UBE2W: variants seen among roughly 807,000 people sequenced by gnomAD.
The protein encoded by UBE2W is ubiquitin-conjugating enzyme E2 W.
A neutral mutation model predicts 27.2 loss-of-function variants in UBE2W; 18 were observed. The observed-to-expected ratio is 0.66, with a 90% CI of 0.46 to 0.98. UBE2W has a LOEUF of 0.98. Ranked by LOEUF, UBE2W falls within the 50% of genes least tolerant of loss-of-function variation. The pLI is 0.00. For missense variants in UBE2W, 90 were observed against 180.2 expected (o/e 0.50, Z 2.87); for synonymous variants, 53 against 57.2 (o/e 0.93, Z 0.33).
intron 1 of UBE2W, among the ~76,000 whole-genome samples, chr8:73,878,556 C>T (rs559205005): frequency 5.9e-5 from 9 of 152,306 alleles, no homozygotes; most frequent in Admixed American, 5.2e-4. Flanking sequence ...CCCTTTCTTC[C>T]CCAACCCTCC....
chr8:73,805,789 A>G (rs1215339238), intron 4 of UBE2W, 63 bp from the exon 5 acceptor site: 5 of 954,834 alleles, frequency 5.2e-6, no homozygotes, highest in Non-Finnish European at 6.1e-6. Context: ...GACAGTTTTA[A>G]TAAAAGCTTA....
rs182665092 is a variant in UBE2W, at chr8:73,875,400, G to A, written c.15+3408C>T. ...GCAGAACCTAAAAGATGGTTGAGAC[G>A]CACTGACAGAATACATTAAAGCAGT... is the stretch of plus-strand genomic sequence containing the variant. On this transcript the variant is annotated intron_variant, in intron 1 of 5. Coordinates refer to ENST00000602593, the MANE Select transcript of UBE2W (RefSeq NM_018299.6). 1.8e-4 allele frequency among the ~76,000 whole-genome samples: 28 copies of A among 152,188 alleles called. No homozygotes were observed. The East Asian group carries it at 4.2e-3, about 23-fold the overall frequency.
At chr8:73,781,619 G>GTTTTTTT (rs112691687), downstream of UBE2W, among the ~76,000 whole-genome samples, 6 of 140,904 alleles carry the variant, frequency 4.3e-5, no homozygotes, top group Non-Finnish European at 4.6e-5. Context: ...TCAGGTTTGG[G>GTTTTTTT]TTTTTTTTTT....
intron 1 of UBE2W, among the ~76,000 whole-genome samples, chr8:73,836,612 T>C (rs1034872993): frequency 3.9e-5 from 6 of 152,226 alleles, no homozygotes; most frequent in African/African-American, 4.8e-5. Context: ...CATGTAAAGA[T>C]AAATGAAAAT....
At chr8:73,805,821 A>G (rs1808879506) in intron 4 of UBE2W, 95 bp from the exon 5 acceptor site, 5 of 633,430 alleles carry the variant, frequency 7.9e-6, no homozygotes, top group Non-Finnish European at 1.3e-5. Flanking sequence ...CAGAATGCAT[A>G]AAAAACAATA....
Position 73,794,049 on chromosome 8 carries a change from T to C in UBE2W, c.*53A>G. The C allele has an allele frequency of 1.2e-6, 2 of 1,611,518 alleles. No individual in the cohort carries two copies. The highest frequency in any genetic ancestry group is 2.2e-5 in the South Asian group (2 of 90,368). On this transcript the variant is annotated 3_prime_UTR_variant, in exon 6 of 6. Coordinates refer to ENST00000602593, the MANE Select transcript of UBE2W (RefSeq NM_018299.6). ...AAGTTCAAAGACTGAATGATCAAAG[T>C]GCTCATTTTCTCAGTAGGACTATCT...
At position 73,825,209 on chromosome 8, in the gene UBE2W, C is replaced by T; in HGVS notation, c.148G>A (p.Glu50Lys). The change falls in exon 3 of 6, where the codon GAA becomes AAA. Residue 50 changes from glutamate (E) to lysine (K), a missense_variant. Coordinates refer to ENST00000602593, the MANE Select transcript of UBE2W (RefSeq NM_018299.6). ...DMEGAPGTLY[E>K]GEKFQLLFKF... The stretch of plus-strand genomic sequence containing the variant: ...AATAGAAGTTGAAATTTTTCCCCTT[C>T]ATATAAGGTACCTGGTGCACCTTCC... The T allele has an allele frequency of 6.4e-7, 1 of 1,563,638 alleles. No individual in the cohort carries two copies. The highest frequency in any genetic ancestry group is 8.7e-7 in the Non-Finnish European group (1 of 1,152,564).
intron 1 of UBE2W, among the ~76,000 whole-genome samples, chr8:73,877,332 T>G (rs780344532): frequency 1.3e-5 from 2 of 152,226 alleles, no homozygotes; most frequent in Non-Finnish European, 2.9e-5. Context: ...GTATAATGTT[T>G]CCTGAAATTG....
chr8:73,862,459 A>G (rs1455555176), intron 1 of UBE2W, among the ~76,000 whole-genome samples: 1 of 152,190 alleles, frequency 6.6e-6, no homozygotes, highest in Non-Finnish European at 1.5e-5. Context: ...CGTTAGACCT[A>G]AAACCATAAA....
At chr8:73,834,691 C>T (rs1810232211) in intron 1 of UBE2W, among the ~76,000 whole-genome samples, 1 of 152,056 alleles carries the variant, frequency 6.6e-6, no homozygotes, top group Admixed American at 6.6e-5. Flanking sequence ...CATGTAATGC[C>T]TGAGGTCAGG....
Position 73,790,596 on chromosome 8 carries a change from CAT to C in UBE2W, c.*3504_*3505del. 2 of 984,896 alleles carry C rather than the reference CAT, an allele frequency of 2.0e-6. No homozygotes were observed. Among genetic ancestry groups the C allele is most frequent in the Non-Finnish European group, 1.2e-6 (1 of 829,592 alleles). 61.0% of individuals were successfully genotyped at this position (984,896 alleles called of 1,614,324 possible). On this transcript the variant is annotated 3_prime_UTR_variant, in exon 6 of 6. Coordinates refer to ENST00000602593, the MANE Select transcript of UBE2W (RefSeq NM_018299.6). ...ATCAAGAAATATAAGCAGCAGTAAC[CAT>C]AAAGGCTTAGAACTAGTGACACTGA...
At chr8:73,822,491 G>C (rs550970458) in intron 3 of UBE2W, among the ~76,000 whole-genome samples, 15 of 149,208 alleles carry the variant, frequency 1.0e-4, no homozygotes, top group Admixed American at 1.4e-4. Context: ...CAGAGGGAGG[G>C]ACAACGATCA....
At chr8:73,850,776 T>C (rs1348772268) in intron 1 of UBE2W, among the ~76,000 whole-genome samples, 2 of 135,048 alleles carry the variant, frequency 1.5e-5, no homozygotes, top group Non-Finnish European at 3.2e-5. Flanking sequence ...GCTTCAAAGG[T>C]AATGGCAACT....
intron 5 of UBE2W, among the ~76,000 whole-genome samples, chr8:73,800,927 TATTAAAAATACAAA>T (rs1347654490): frequency 6.6e-6 from 1 of 152,236 alleles, no homozygotes; most frequent in East Asian, 1.9e-4. Flanking sequence ...ACCTCATCTC[TATTAAAAATACAAA>T]ATTAGCCGGG....
intron 1 of UBE2W, among the ~76,000 whole-genome samples, chr8:73,873,117 C>G (rs1046511740): frequency 1.3e-5 from 2 of 152,004 alleles, no homozygotes; most frequent in African/African-American, 4.8e-5. Flanking sequence ...CCATGTTGGC[C>G]GGGCTGGTCT....
At chr8:73,820,460 A>C (rs548069815) in intron 3 of UBE2W, among the ~76,000 whole-genome samples, 17 of 152,192 alleles carry the variant, frequency 1.1e-4, no homozygotes, top group African/African-American at 3.9e-4. Context: ...TTAAAAAGGA[A>C]TCCTCACTGG....
chr8:73,842,397 C>T lies in UBE2W; in HGVS notation c.16-11925G>A, dbSNP rs183752419. On this transcript the variant is annotated intron_variant, in intron 1 of 5. Coordinates refer to ENST00000602593, the MANE Select transcript of UBE2W (RefSeq NM_018299.6). ...ACAAAAAATGAGCCGGGCGTGGTGG[C>T]GGGCGCCTGTAGTCCCAGCTATTCG... Among the ~76,000 whole-genome samples the T allele has an allele frequency of 1.0e-2, 1,509 of 151,400 alleles. 29 individuals carry two copies. The highest frequency in any genetic ancestry group is 0.035 in the African/African-American group (1,433 of 41,214).
Position 73,786,539 on chromosome 8 carries a change from A to G in UBE2W, c.*7563T>C, listed in dbSNP as rs1335593694. The G allele has an allele frequency of 9.1e-6, 9 of 985,248 alleles. No individual in the cohort carries two copies. The highest frequency in any genetic ancestry group is 1.7e-5 in the African/African-American group (1 of 57,246). 61.0% of individuals were successfully genotyped at this position (985,248 alleles called of 1,614,324 possible). On this transcript the variant is annotated 3_prime_UTR_variant, in exon 6 of 6. Transcript: ENST00000602593. ...GATAGATGACTGGTAGGGAGAGAAGAAAGGACAAGGATGATAACCTTTCAG... is the reference window on the plus strand; with the variant it reads ...GATAGATGACTGGTAGGGAGAGAAGGAAGGACAAGGATGATAACCTTTCAG...
In UBE2W at chr8:73,830,490, T is replaced by C; in HGVS notation, c.16-18A>G. ...AGTCGTTTCTAGAAAAGAACATCAA[T>C]AATAATTTGTCCTTTTTGAGACTAG... is the stretch of plus-strand genomic sequence containing the variant. On this transcript the variant is annotated intron_variant, in intron 1 of 5. Coordinates refer to ENST00000602593, the MANE Select transcript of UBE2W (RefSeq NM_018299.6). The C allele has an allele frequency of 6.2e-7, 1 of 1,605,566 alleles. No individual in the cohort carries two copies. Among genetic ancestry groups the C allele is most frequent in the Non-Finnish European group, 8.5e-7 (1 of 1,172,360 alleles).
Sources: allele counts gnomAD v4.1 joint callset (sites outside exome capture counted in the v4.1 genomes callset), GRCh38; gene constraint gnomAD v4.1.1; transcripts MANE v1.5; gene names NCBI Gene and HGNC (gene_info 2026-07-23, HGNC 2026-07-21).